GALNT13: variants seen among roughly 807,000 people sequenced by gnomAD.
GALNT13 encodes UDP-GalNAc:polypeptide N-acetylgalactosaminyltransferase 13.
Under a neutral mutation model 64.2 loss-of-function variants are expected in GALNT13, and 28 were observed. That is an observed-to-expected ratio of 0.44 (90% CI 0.32 to 0.60). The LOEUF (loss-of-function observed/expected upper bound fraction) is 0.60, where lower values mean the gene tolerates loss of function less well. Ranked by LOEUF, GALNT13 falls within the 20% of genes least tolerant of loss-of-function variation. GALNT13 has a pLI of 0.05. For missense variants in GALNT13, 577 were observed against 669.8 expected (o/e 0.86, Z 1.53); for synonymous variants, 214 against 224.6 (o/e 0.95, Z 0.42).
chr2:153,107,030 C>T, the GALNT13 span, among the ~76,000 whole-genome samples: 1 of 152,186 alleles, frequency 6.6e-6, no homozygotes, highest in East Asian at 1.9e-4. Flanking sequence ...AATAAAACCC[C>T]TGCTCCCTAT....
chr2:153,740,423 C>T, the GALNT13 span, among the ~76,000 whole-genome samples: 1 of 151,992 alleles, frequency 6.6e-6, no homozygotes, highest in Non-Finnish European at 1.5e-5. Flanking sequence ...ATTTTTATTA[C>T]ATATTTCTAC....
chr2:153,235,557 C>T, the GALNT13 span, among the ~76,000 whole-genome samples: 1 of 152,102 alleles, frequency 6.6e-6, no homozygotes, highest in East Asian at 1.9e-4. Flanking sequence ...TCTTAAATCT[C>T]CACCCAGGGG....
the GALNT13 span, among the ~76,000 whole-genome samples, chr2:153,180,025 C>T: frequency 1.1e-4 from 17 of 152,118 alleles, no homozygotes; most frequent in African/African-American, 3.9e-4. Context: ...TTATTTCTTT[C>T]TATTGCGTAA....
At chr2:154,298,663 A>ATATATAAATTG (rs1693177711) in intron 8 of GALNT13, among the ~76,000 whole-genome samples, 1 of 107,412 alleles carries the variant, frequency 9.3e-6, no homozygotes, top group East Asian at 2.4e-4. Flanking sequence ...TATACAATTT[A>ATATATAAATTG]TATATACATT....
At chr2:153,341,443 C>G in the GALNT13 span, among the ~76,000 whole-genome samples, 2 of 152,196 alleles carry the variant, frequency 1.3e-5, no homozygotes, top group Non-Finnish European at 2.9e-5. Context: ...ACAATTAGCT[C>G]TTTGCAACTA....
chr2:154,337,588 C>T (rs1695527869), intron 9 of GALNT13, among the ~76,000 whole-genome samples: 1 of 151,848 alleles, frequency 6.6e-6, no homozygotes, highest in African/African-American at 2.4e-5. Context: ...AGCATTTCAG[C>T]TTTTGTTGTA....
At chr2:153,589,023 A>G in the GALNT13 span, among the ~76,000 whole-genome samples, 1 of 152,062 alleles carries the variant, frequency 6.6e-6, no homozygotes, top group African/African-American at 2.4e-5. Context: ...AAAATTAGCC[A>G]TGCCTGTAAT....
intron 8 of GALNT13, among the ~76,000 whole-genome samples, chr2:154,289,865 C>T (rs1692498773): frequency 6.6e-6 from 1 of 152,202 alleles, no homozygotes; most frequent in Non-Finnish European, 1.5e-5. Flanking sequence ...TTCTGTCCTT[C>T]ACCAAGGAGA....
the GALNT13 span, among the ~76,000 whole-genome samples, chr2:153,379,216 A>G: frequency 6.6e-6 from 1 of 152,192 alleles, no homozygotes; most frequent in African/African-American, 2.4e-5. Flanking sequence ...TGATTCTAAT[A>G]TTAGCCAAAT....
intron 1 of GALNT13, among the ~76,000 whole-genome samples, chr2:153,890,146 A>G (rs778218360): frequency 2.0e-5 from 3 of 151,982 alleles, no homozygotes; most frequent in Non-Finnish European, 2.9e-5. Context: ...TCTTTGTAAC[A>G]TAAACAAACA....
At chr2:153,378,293 TAGATAGATAGATAGATAA>T in the GALNT13 span, among the ~76,000 whole-genome samples, 21 of 149,344 alleles carry the variant, frequency 1.4e-4, no homozygotes, top group South Asian at 8.4e-4. Flanking sequence ...GATAGATAGA[TAGATAGATAGATAGATAA>T]TTTTTTTTTT....
chr2:153,337,644 A>G, the GALNT13 span: 1 of 152,362 alleles, frequency 6.6e-6, no homozygotes, highest in East Asian at 1.9e-4. Flanking sequence ...GCATAGTGAG[A>G]TAATCAATTG....
intron 3 of GALNT13, among the ~76,000 whole-genome samples, chr2:153,962,222 T>A (rs1267657749): frequency 6.6e-6 from 1 of 152,230 alleles, no homozygotes; most frequent in Middle Eastern, 3.2e-3. Flanking sequence ...TTATGTTACA[T>A]TGTATATACT....
intron 1 of GALNT13, among the ~76,000 whole-genome samples, chr2:153,893,955 G>T (rs1687728105): frequency 6.6e-6 from 1 of 152,052 alleles, no homozygotes. Context: ...GAAGCAAAAG[G>T]TATAAATTAT....
At chr2:153,529,387 C>G in the GALNT13 span, among the ~76,000 whole-genome samples, 4 of 150,978 alleles carry the variant, frequency 2.6e-5, no homozygotes, top group Non-Finnish European at 5.9e-5. Context: ...CCAAACAGGC[C>G]AGTAACAAGT....
At chr2:153,100,232 C>T in the GALNT13 span, among the ~76,000 whole-genome samples, 133 of 152,298 alleles carry the variant, frequency 8.7e-4, 2 homozygotes, top group East Asian at 0.023. Context: ...CAGACTCTAA[C>T]TGCCATCTCC....
Position 154,353,590 on chromosome 2 carries a change from C to T in GALNT13, c.1157-42401C>T, listed in dbSNP as rs187020904. ...CCCATTTTCTCTCCTCCACCCTGGG[C>T]CCTGTTAGCCCTAGATTTTTTCTGC... On this transcript the variant is annotated intron_variant, in intron 9 of 12. Coordinates refer to ENST00000392825, the MANE Select transcript of GALNT13 (RefSeq NM_052917.4). Among the ~76,000 whole-genome samples the T allele has an allele frequency of 3.9e-5, 6 of 152,262 alleles. No individual in the cohort carries two copies. In the East Asian group the frequency reaches 1.2e-3, roughly 29 times the overall value.
the GALNT13 span, among the ~76,000 whole-genome samples, chr2:153,332,809 G>A: frequency 6.6e-6 from 1 of 152,148 alleles, no homozygotes; most frequent in African/African-American, 2.4e-5. Context: ...AGAATGTCTG[G>A]AGACCTGCTT....
At chr2:153,162,147 T>C in the GALNT13 span, among the ~76,000 whole-genome samples, 1 of 152,170 alleles carries the variant, frequency 6.6e-6, no homozygotes, top group African/African-American at 2.4e-5. Context: ...CTTCTGTCAA[T>C]TGAGGTATTC....
Sources: gnomAD v4.1 joint callset for allele counts (sites outside exome capture counted in the v4.1 genomes callset) on GRCh38, gnomAD v4.1.1 for gene constraint, MANE v1.5 for transcripts, NCBI Gene and HGNC (gene_info 2026-07-23, HGNC 2026-07-21) for gene names.